Variants in SPRED2 observed in about 807,000 individuals in gnomAD.
SPRED2 encodes sprouty related EVH1 domain containing 2, also known as sprouty-related, EVH1 domain-containing protein 2.
Under a neutral mutation model 43.0 loss-of-function variants are expected in SPRED2, and 47 were observed. The ratio of observed to expected loss-of-function variants is 1.09; its 90% CI spans 0.87 to 1.40. The LOEUF is 1.40. SPRED2 is among the 40% of genes most tolerant of loss of function. The probability of loss-of-function intolerance (pLI) is 0.00; values close to 1 mark genes in which losing one functional copy is unlikely to be tolerated. For missense variants in SPRED2, 561 were observed against 586.4 expected, an observed-to-expected ratio of 0.96 and a Z score of 0.45; for synonymous variants, 225 against 225.7, an observed-to-expected ratio of 1.00 and a Z score of 0.03.
At chr2:65,352,831 C>A (rs1674549590) in intron 1 of SPRED2, among the ~76,000 whole-genome samples, 1 of 152,106 alleles carries the variant, frequency 6.6e-6, no homozygotes, top group Admixed American at 6.6e-5. Flanking sequence ...AGCATGTTGA[C>A]CAGGCTGGTC....
At chr2:65,409,773 C>T (rs1031574074) in intron 1 of SPRED2, among the ~76,000 whole-genome samples, 7 of 151,084 alleles carry the variant, frequency 4.6e-5, no homozygotes, top group African/African-American at 4.9e-5. Context: ...TGGTGGCTCA[C>T]GCCTGTAATC....
At chr2:65,363,239 CAAA>C (rs141094707) in intron 1 of SPRED2, among the ~76,000 whole-genome samples, 47,939 of 102,414 alleles carry the variant, frequency 0.47, 9,254 homozygotes, top group East Asian at 0.64. Context: ...AACTCCGTCT[CAAA>C]AAAAAAAAAA....
chr2:65,385,666 G>A, intron 1 of SPRED2, among the ~76,000 whole-genome samples: 1 of 152,114 alleles, frequency 6.6e-6, no homozygotes, highest in Non-Finnish European at 1.5e-5. Context: ...ACCAAGAAGT[G>A]GAAGGAGAAG....
chr2:65,422,775 T>G (rs1204589965), intron 1 of SPRED2, among the ~76,000 whole-genome samples: 1 of 152,106 alleles, frequency 6.6e-6, no homozygotes, highest in Non-Finnish European at 1.5e-5. Flanking sequence ...GTTTTTTATT[T>G]TAACAAACAG....
At chr2:65,420,324 T>C (rs529465843) in intron 1 of SPRED2, among the ~76,000 whole-genome samples, 26 of 152,306 alleles carry the variant, frequency 1.7e-4, no homozygotes, top group Admixed American at 1.6e-3. Flanking sequence ...GTTGGAGTTA[T>C]TGACAGCACA....
intron 1 of SPRED2, among the ~76,000 whole-genome samples, chr2:65,359,958 G>A (rs531446302): frequency 9.2e-5 from 14 of 151,390 alleles, no homozygotes; most frequent in South Asian, 2.1e-4. Flanking sequence ...CCAGCTACTC[G>A]GGAGCCTGGG....
chr2:65,372,129 A>G (rs1270848817), intron 1 of SPRED2, among the ~76,000 whole-genome samples: 1 of 152,032 alleles, frequency 6.6e-6, no homozygotes, highest in Non-Finnish European at 1.5e-5. Context: ...CAGAGCTAGG[A>G]CTGTGGTTTC....
intron 4 of SPRED2, among the ~76,000 whole-genome samples, chr2:65,327,988 CTGGGATTACAGG>C (rs1278161632): frequency 6.6e-6 from 1 of 152,128 alleles, no homozygotes; most frequent in Non-Finnish European, 1.5e-5. Flanking sequence ...TCCCAAAGTG[CTGGGATTACAGG>C]CATGAACCGC....
At chr2:65,393,125 C>G (rs1675675793) in intron 1 of SPRED2, among the ~76,000 whole-genome samples, 1 of 152,122 alleles carries the variant, frequency 6.6e-6, no homozygotes, top group African/African-American at 2.4e-5. Context: ...TTTAAATAAT[C>G]CTAAATGTAG....
chr2:65,405,011 G>A (rs938267827), intron 1 of SPRED2, among the ~76,000 whole-genome samples: 3 of 152,164 alleles, frequency 2.0e-5, no homozygotes, highest in Admixed American at 6.5e-5. Context: ...TCTGTCACAC[G>A]TTATAAACAC....
chr2:65,432,344 G>A lies in SPRED2; in HGVS notation c.-357C>T, dbSNP rs1302879406. ...CTCGGAGCGGCAGGGACTGCTGCGA[G>A]GAGGAGGAGAGCGCCGGCCGCGGGT... On this transcript the variant is annotated 5_prime_UTR_variant, in exon 1 of 6. Transcript: ENST00000356388. Among the ~76,000 whole-genome samples, 1 of 151,464 alleles carries A rather than the reference G, an allele frequency of 6.6e-6. No individual in the cohort carries two copies. The highest frequency in any genetic ancestry group is 1.5e-5 in the Non-Finnish European group (1 of 67,742).
intron 1 of SPRED2, among the ~76,000 whole-genome samples, chr2:65,348,396 CTT>C (rs1674412439): frequency 6.6e-6 from 1 of 152,160 alleles, no homozygotes; most frequent in Non-Finnish European, 1.5e-5. Flanking sequence ...GGAGCAGAAA[CTT>C]TGCCTTTTTT....
chr2:65,410,722 G>T (rs913592363), intron 1 of SPRED2, among the ~76,000 whole-genome samples: 3 of 148,326 alleles, frequency 2.0e-5, no homozygotes, highest in Non-Finnish European at 4.4e-5. Context: ...TGGCGCCACT[G>T]CACTTCATCC....
chr2:65,391,790 C>T (rs952736412), intron 1 of SPRED2, among the ~76,000 whole-genome samples: 3 of 152,170 alleles, frequency 2.0e-5, no homozygotes, highest in African/African-American at 4.8e-5. Context: ...TCTCAAACAA[C>T]AGGGCATGAA....
intron 4 of SPRED2, among the ~76,000 whole-genome samples, chr2:65,323,946 C>T (rs895620329): frequency 4.6e-5 from 7 of 151,478 alleles, no homozygotes; most frequent in Admixed American, 3.3e-4. Flanking sequence ...TGGGCTCAGA[C>T]ACAGAAAGTG....
chr2:65,312,920 A>C lies in SPRED2; in HGVS notation c.*581T>G, dbSNP rs551608948. ...TTGGCTTTAGAAAAGTTAAAGCGAT[A>C]TTGTTTTGTGGTACAAGTTTGTTAA... is the stretch of plus-strand genomic sequence containing the variant. On this transcript the variant is annotated 3_prime_UTR_variant, in exon 6 of 6. Transcript: ENST00000356388. 1.0e-6 allele frequency: 1 copy of C among 985,826 alleles called. No individual in the cohort carries two copies. The highest frequency in any genetic ancestry group is 4.7e-5 in the South Asian group (1 of 21,284). 61.1% of individuals were successfully genotyped at this position (985,826 alleles called of 1,614,324 possible).
chr2:65,395,503 CCTTT>C (rs1195770696), intron 1 of SPRED2, among the ~76,000 whole-genome samples: 1 of 152,228 alleles, frequency 6.6e-6, no homozygotes, highest in African/African-American at 2.4e-5. Flanking sequence ...CTCATCCATT[CCTTT>C]CTACCACACC....
chr2:65,372,971 A>C (rs188107012), intron 1 of SPRED2, among the ~76,000 whole-genome samples: 2 of 152,206 alleles, frequency 1.3e-5, no homozygotes, highest in Non-Finnish European at 2.9e-5. Context: ...AACTTATCCA[A>C]GACAGCTTCC....
At chr2:65,322,229 CCTCTCTCTCTCT>C (rs71905140) in intron 4 of SPRED2, among the ~76,000 whole-genome samples, 860 of 61,238 alleles carry the variant, frequency 0.014, 18 homozygotes, top group Middle Eastern at 0.06. Flanking sequence ...GGTCTCCTTT[CCTCTCTCTCTCT>C]CTCTCTCTCT....
Sources: allele counts gnomAD v4.1 joint callset (sites outside exome capture counted in the v4.1 genomes callset), GRCh38; gene constraint gnomAD v4.1.1; transcripts MANE v1.5; gene names NCBI Gene and HGNC (gene_info 2026-07-23, HGNC 2026-07-21).